The following CAMTA1 variants were observed in gnomAD, a reference collection of about 807,000 sequenced individuals.
CAMTA1 encodes the protein calmodulin-binding transcription activator 1.
Under a neutral mutation model 170.9 loss-of-function variants are expected in CAMTA1, and 27 were observed. The observed-to-expected ratio is 0.16, with a 90% CI of 0.12 to 0.22. The LOEUF (loss-of-function observed/expected upper bound fraction) is 0.22, where lower values mean the gene tolerates loss of function less well. Among genes scored for constraint, CAMTA1 ranks in the 10% least tolerant of loss-of-function variants. CAMTA1 has a pLI of 1.00. For missense variants in CAMTA1, 1,619 were observed against 2,217.2 expected, an observed-to-expected ratio of 0.73 and a Z score of 5.42; for synonymous variants, 833 against 891.5, an observed-to-expected ratio of 0.93 and a Z score of 1.17.
At chr1:6,902,356 A>G (rs746946045) in intron 3 of CAMTA1, among the ~76,000 whole-genome samples, 66 of 152,230 alleles carry the variant, frequency 4.3e-4, no homozygotes, top group Non-Finnish European at 9.0e-4. Flanking sequence ...ATGAATAAGC[A>G]ACTTCATTGG....
chr1:7,062,039 T>G (rs1708297437), intron 3 of CAMTA1, among the ~76,000 whole-genome samples: 1 of 152,070 alleles, frequency 6.6e-6, no homozygotes, highest in Non-Finnish European at 1.5e-5. Context: ...TGCCTCAGCC[T>G]CCCGAGTAGC....
At chr1:7,217,435 A>G (rs181501834) in intron 4 of CAMTA1, among the ~76,000 whole-genome samples, 109 of 152,334 alleles carry the variant, frequency 7.2e-4, no homozygotes, top group Non-Finnish European at 1.5e-3. Context: ...TGCCTCTTAT[A>G]TATAACATAT....
intron 1 of CAMTA1, among the ~76,000 whole-genome samples, chr1:6,813,291 G>A (rs1411647531): frequency 1.3e-5 from 2 of 152,024 alleles, no homozygotes; most frequent in African/African-American, 4.8e-5. Context: ...TGATTTTAGG[G>A]AGTGTCTCTG....
intron 3 of CAMTA1, among the ~76,000 whole-genome samples, chr1:6,864,851 G>T (rs1020941057): frequency 5.3e-5 from 8 of 152,162 alleles, no homozygotes; most frequent in African/African-American, 1.9e-4. Flanking sequence ...CCTCAGTGCT[G>T]GGGTGGACAA....
intron 3 of CAMTA1, chr1:6,871,677 A>T: frequency 8.1e-7 from 1 of 1,231,908 alleles, no homozygotes; most frequent in Non-Finnish European, 1.1e-6. Context: ...GGGTTCAGTT[A>T]CAGTGGAATC....
chr1:7,468,754 T>C (rs2093270504), intron 6 of CAMTA1, among the ~76,000 whole-genome samples: 1 of 152,200 alleles, frequency 6.6e-6, no homozygotes. Flanking sequence ...TTTCCCACCA[T>C]GGTTCTACTT....
At chr1:7,091,068 C>T (rs1311313018) in intron 3 of CAMTA1, among the ~76,000 whole-genome samples, 2 of 152,102 alleles carry the variant, frequency 1.3e-5, no homozygotes. Context: ...TTTGTCCTTG[C>T]CACCGACTCA....
chr1:7,638,203 G>C (rs1167824326), intron 6 of CAMTA1, among the ~76,000 whole-genome samples: 3 of 152,304 alleles, frequency 2.0e-5, no homozygotes, highest in African/African-American at 4.8e-5. Context: ...TTGAGTCTCA[G>C]TCTATCAGCT....
intron 3 of CAMTA1, among the ~76,000 whole-genome samples, chr1:6,907,456 C>T (rs146254865): frequency 2.0e-5 from 3 of 152,266 alleles, no homozygotes; most frequent in Admixed American, 6.5e-5. Context: ...CAGCTTGACT[C>T]AAGAACACTT....
Position 7,249,712 on chromosome 1 carries a change from C to G in CAMTA1, c.438+86C>G, listed in dbSNP as rs539375918. On this transcript the variant is annotated intron_variant, in intron 5 of 22. Coordinates refer to ENST00000303635, the MANE Select transcript of CAMTA1 (RefSeq NM_015215.4). This position sits in a 1 kb window ranked among gnomAD's most constrained non-coding sequence, Gnocchi z 4.4. ...TGGAATTGCTTGGAGTAATTTGATG[C>G]GAGTCACCTCTGTCCAAAGAATTTT... 1.4e-4 allele frequency: 204 copies of G among 1,456,156 alleles called. No individual in the cohort carries two copies. The South Asian group carries it at 2.6e-3, about 19-fold the overall frequency. 90.2% of individuals were successfully genotyped at this position (1,456,156 alleles called of 1,614,324 possible).
intron 5 of CAMTA1, among the ~76,000 whole-genome samples, chr1:7,392,355 A>C (rs1307997059): frequency 1.3e-5 from 2 of 150,586 alleles, no homozygotes; most frequent in African/African-American, 2.4e-5. Context: ...TCCCAGGTTC[A>C]AGTGATTCTC....
intron 5 of CAMTA1, among the ~76,000 whole-genome samples, chr1:7,452,212 C>T (rs979484816): frequency 6.6e-6 from 1 of 152,180 alleles, no homozygotes; most frequent in African/African-American, 2.4e-5. Flanking sequence ...CACGGGGGGT[C>T]TGTGTCTCCT....
intron 6 of CAMTA1, among the ~76,000 whole-genome samples, chr1:7,528,205 T>C (rs1204422818): frequency 6.6e-6 from 1 of 152,154 alleles, no homozygotes; most frequent in Non-Finnish European, 1.5e-5. Context: ...TTTTTCCTTG[T>C]TGGTAATGAA....
rs1386124534 is a variant in CAMTA1, at chr1:7,293,123, C to T, written c.438+43497C>T. ...GTTGCTTTTCTGCTGTATTCCTGCC[C>T]CCTTTCTACTGCTTTCCAGTGGACA... On this transcript the variant is annotated intron_variant, in intron 5 of 22. Coordinates refer to ENST00000303635, the MANE Select transcript of CAMTA1 (RefSeq NM_015215.4). The surrounding 1 kb of genome is among the most constrained non-coding windows in gnomAD (Gnocchi z 4.1). Among the ~76,000 whole-genome samples the T allele has an allele frequency of 6.6e-6, 1 of 152,174 alleles. No individual in the cohort carries two copies. Among genetic ancestry groups the T allele is most frequent in the Non-Finnish European group, 1.5e-5 (1 of 68,028 alleles).
chr1:7,182,527 C>G (rs1391332068), intron 4 of CAMTA1, among the ~76,000 whole-genome samples: 1 of 143,902 alleles, frequency 6.9e-6, no homozygotes, highest in Non-Finnish European at 1.5e-5. Flanking sequence ...TAGAAGAAAA[C>G]ATGGGTGAGC....
chr1:7,248,999 C>T lies in CAMTA1; in HGVS notation c.303-492C>T, dbSNP rs996748103. Among the ~76,000 whole-genome samples the T allele has an allele frequency of 6.6e-6, 1 of 152,170 alleles. No homozygotes were observed. The highest frequency in any genetic ancestry group is 2.4e-5 in the African/African-American group (1 of 41,434). On this transcript the variant is annotated intron_variant, in intron 4 of 22. Transcript: ENST00000303635. This position sits in a 1 kb window ranked among gnomAD's most constrained non-coding sequence, Gnocchi z 4.0. ...GCAATGAACCAACAGCATTTGGCCT[C>T]GGTGAACAGCTCTGCCATCGGTCTG...
intron 22 of CAMTA1, among the ~76,000 whole-genome samples, chr1:7,759,490 A>G (rs1431341386): frequency 6.6e-6 from 1 of 152,066 alleles, no homozygotes; most frequent in Admixed American, 6.5e-5. Context: ...AACTCTCGAT[A>G]CTGTCATCAG....
intron 4 of CAMTA1, among the ~76,000 whole-genome samples, chr1:7,246,610 C>T (rs888805936): frequency 1.3e-5 from 2 of 151,388 alleles, no homozygotes; most frequent in Non-Finnish European, 2.9e-5. Flanking sequence ...TCATTCGTCC[C>T]AGAGCAGGAC....
intron 5 of CAMTA1, among the ~76,000 whole-genome samples, chr1:7,298,550 G>C (rs1274772927): frequency 1.3e-5 from 2 of 152,144 alleles, no homozygotes; most frequent in African/African-American, 4.8e-5. Context: ...TACAGGGGCG[G>C]AATTCCGGTC....
Sources: gnomAD v4.1 joint callset for allele counts (sites outside exome capture counted in the v4.1 genomes callset) on GRCh38, gnomAD v4.1.1 for gene constraint, Gnocchi (gnomAD v3.1) non-coding constraint, MANE v1.5 for transcripts, NCBI Gene and HGNC (gene_info 2026-07-23, HGNC 2026-07-21) for gene names.